RAD54B: variants seen among roughly 807,000 people sequenced by gnomAD.
RAD54B encodes RAD54 homolog B.
RAD54B carries 78 observed loss-of-function variants against 95.8 expected under a neutral mutation model. The ratio of observed to expected loss-of-function variants is 0.81; its 90% CI spans 0.68 to 0.98. The LOEUF is 0.98. Among genes scored for constraint, RAD54B ranks in the 50% least tolerant of loss-of-function variants. The pLI is 0.00. For synonymous variants in RAD54B, 328 were observed against 354.9 expected, an observed-to-expected ratio of 0.92 and a Z score of 0.85; for missense variants, 957 against 1,056.6, an observed-to-expected ratio of 0.91 and a Z score of 1.31.
Position 94,442,399 on chromosome 8 carries a change from C to T in RAD54B, c.304+15869G>A, listed in dbSNP as rs147257000. Among the ~76,000 whole-genome samples, 86 of 152,060 alleles carry T rather than the reference C, an allele frequency of 5.7e-4. 2 individuals are homozygous for T. In the East Asian group the frequency reaches 0.015, roughly 26 times the overall value. On this transcript the variant is annotated intron_variant, in intron 3 of 14. Coordinates refer to ENST00000336148, the MANE Select transcript of RAD54B (RefSeq NM_012415.3). ...CATCCTGGCTAACATGGTGAAACCC[C>T]GTCTCTACTACTAAAAATACAAAAC...
At chr8:94,385,335 GC>G (rs1810859732) in intron 11 of RAD54B, among the ~76,000 whole-genome samples, 1 of 131,640 alleles carries the variant, frequency 7.6e-6, no homozygotes, top group Non-Finnish European at 1.6e-5. Flanking sequence ...CACCTATCCC[GC>G]CCACCCTTCA....
chr8:94,407,754 CT>C (rs1811430260), intron 4 of RAD54B, 34 bp from the exon 5 acceptor site: 1 of 1,564,004 alleles, frequency 6.4e-7, no homozygotes, highest in South Asian at 1.2e-5. Context: ...TTAATTGACA[CT>C]CTATGATACC....
intron 3 of RAD54B, chr8:94,431,929 A>T: frequency 8.0e-7 from 1 of 1,249,070 alleles, no homozygotes; most frequent in Non-Finnish European, 1.0e-6. Context: ...AAAAGAAGAC[A>T]ATAAAAACTA....
At chr8:94,461,333 C>A (rs965566242) in intron 2 of RAD54B, among the ~76,000 whole-genome samples, 1 of 151,142 alleles carries the variant, frequency 6.6e-6, no homozygotes, top group Non-Finnish European at 1.5e-5. Context: ...CCACCACACC[C>A]GGCTAATTTT....
intron 12 of RAD54B, 103 bp downstream of exon 12, chr8:94,380,028 CAAAATAAGGGCTCT>C (rs1810693795): frequency 1.6e-6 from 2 of 1,213,568 alleles, no homozygotes; most frequent in Non-Finnish European, 2.2e-6. Context: ...GTGCCTCACG[CAAAATAAGGGCTCT>C]TTATGCAGTG....
At chr8:94,458,624 T>C (rs1812831933) in intron 2 of RAD54B, among the ~76,000 whole-genome samples, 188 bp from the exon 3 acceptor site, 1 of 152,208 alleles carries the variant, frequency 6.6e-6, no homozygotes. Flanking sequence ...CCCAACACTT[T>C]GGGAGGCCGA....
intron 3 of RAD54B, among the ~76,000 whole-genome samples, chr8:94,418,530 T>C (rs935022614): frequency 6.6e-6 from 1 of 152,190 alleles, no homozygotes; most frequent in Non-Finnish European, 1.5e-5. Context: ...AACACATATA[T>C]AGATTCACAG....
chr8:94,423,949 G>A (rs968684484), intron 3 of RAD54B, among the ~76,000 whole-genome samples: 6 of 152,142 alleles, frequency 3.9e-5, no homozygotes, highest in East Asian at 1.9e-4. Flanking sequence ...CCTAAAGAGC[G>A]GGTAAAAAGA....
At chr8:94,392,132 T>C (rs916678409) in intron 9 of RAD54B, among the ~76,000 whole-genome samples, 2 of 152,192 alleles carry the variant, frequency 1.3e-5, no homozygotes, top group Non-Finnish European at 2.9e-5. Flanking sequence ...TAATGATATA[T>C]CCTATAATTG....
At chr8:94,436,384 A>G (rs1180663936) in intron 3 of RAD54B, 6 of 1,314,692 alleles carry the variant, frequency 4.6e-6, no homozygotes, top group Non-Finnish European at 2.0e-6. Flanking sequence ...GACACTATTC[A>G]TTGCTCCCGT....
chr8:94,428,938 G>T (rs1803110351), intron 3 of RAD54B: 1 of 983,628 alleles, frequency 1.0e-6, no homozygotes, highest in African/African-American at 1.7e-5. Flanking sequence ...GGATTCTATG[G>T]TCAAATAAAT....
At chr8:94,394,950 A>G (rs1297879248) in intron 8 of RAD54B, among the ~76,000 whole-genome samples, 1 of 152,196 alleles carries the variant, frequency 6.6e-6, no homozygotes, top group Admixed American at 6.6e-5. Flanking sequence ...TAAATTTAAC[A>G]CATCTAGTCA....
chr8:94,372,002 A>T lies in RAD54B; in HGVS notation c.*168T>A. The T allele has an allele frequency of 8.7e-7, 1 of 1,153,976 alleles. No individual in the cohort carries two copies. 71.5% of individuals were successfully genotyped at this position (1,153,976 alleles called of 1,614,324 possible). On this transcript the variant is annotated 3_prime_UTR_variant, in exon 15 of 15. Transcript: ENST00000336148. ...ATCTTTATTTTTCATTTAAACACTT[A>T]ATATTTACAAAACATTAAACCACTC...
At position 94,467,816 on chromosome 8, in the gene RAD54B, T is replaced by A. The variant is rs551772003; in HGVS notation, c.-16-261A>T. On this transcript the variant is annotated intron_variant, in intron 1 of 14. Transcript: ENST00000336148. ...AAAATAATGGTGAGGGAAGTTAGAT[T>A]GACAAAATGTTTGGTTCCCTCTAGA... is the stretch of plus-strand genomic sequence containing the variant. 12 of 273,882 alleles carry A rather than the reference T, an allele frequency of 4.4e-5. No homozygotes were observed. In the South Asian group the frequency reaches 1.2e-3, roughly 27 times the overall value. 17.0% of individuals were successfully genotyped at this position (273,882 alleles called of 1,614,324 possible). A position where few individuals can be genotyped will look rare whatever the true frequency, so the allele number is the denominator to read the frequency against.
chr8:94,450,402 A>C (rs1056898360), intron 3 of RAD54B, among the ~76,000 whole-genome samples: 1 of 152,210 alleles, frequency 6.6e-6, no homozygotes, highest in Non-Finnish European at 1.5e-5. Context: ...AGGTACTTGG[A>C]AAGAGACTGA....
chr8:94,431,000 C>T (rs1211392826), intron 3 of RAD54B: 2 of 985,340 alleles, frequency 2.0e-6, no homozygotes, highest in East Asian at 1.1e-4. Context: ...ACTTCAAACA[C>T]CCATGGTCCC....
At chr8:94,444,410 T>TAAAAAA (rs61282884) in intron 3 of RAD54B, among the ~76,000 whole-genome samples, 2 of 137,914 alleles carry the variant, frequency 1.5e-5, no homozygotes, top group African/African-American at 5.3e-5. Flanking sequence ...TTTTAATAGT[T>TAAAAAA]AAAAAAAAAA....
At chr8:94,383,918 G>A (rs114474352) in intron 11 of RAD54B, among the ~76,000 whole-genome samples, 2,789 of 152,272 alleles carry the variant, frequency 0.018, 72 homozygotes, top group African/African-American at 0.062. Context: ...CCTGTGCACT[G>A]TTGGTGGAAA....
At chr8:94,443,778 C>T (rs1812455238) in intron 3 of RAD54B, among the ~76,000 whole-genome samples, 1 of 151,924 alleles carries the variant, frequency 6.6e-6, no homozygotes, top group Non-Finnish European at 1.5e-5. Context: ...GTAACAGATG[C>T]TCCTGTGACT....
Sources: allele counts gnomAD v4.1 joint callset (sites outside exome capture counted in the v4.1 genomes callset), GRCh38; gene constraint gnomAD v4.1.1; transcripts MANE v1.5; gene names NCBI Gene and HGNC (gene_info 2026-07-23, HGNC 2026-07-21).